The following MEGF11 variants were observed in gnomAD, a reference collection of about 807,000 sequenced individuals.
MEGF11 encodes the protein multiple epidermal growth factor-like domains protein 11.
Under a neutral mutation model 146.6 loss-of-function variants are expected in MEGF11, and 126 were observed. That is an observed-to-expected ratio of 0.86 (90% confidence interval 0.74 to 1.00). The LOEUF is 1.00. Ranked by LOEUF, MEGF11 falls within the 50% of genes least tolerant of loss-of-function variation. The probability of loss-of-function intolerance (pLI) is 0.00; values close to 1 mark genes in which losing one functional copy is unlikely to be tolerated. For synonymous variants in MEGF11, 532 were observed against 583.4 expected (o/e 0.91, Z 1.27); for missense variants, 1,509 against 1,521.2 (o/e 0.99, Z 0.13).
At chr15:66,036,384 C>G (rs951751991) in intron 5 of MEGF11, among the ~76,000 whole-genome samples, 6 of 152,258 alleles carry the variant, frequency 3.9e-5, no homozygotes, top group Non-Finnish European at 7.3e-5. Flanking sequence ...CTTTTGCTCT[C>G]TGCATTGCTT....
intron 1 of MEGF11, among the ~76,000 whole-genome samples, chr15:66,133,964 C>T (rs1183631732): frequency 6.6e-6 from 1 of 152,018 alleles, no homozygotes; most frequent in Non-Finnish European, 1.5e-5. Context: ...GTTAAATGTC[C>T]CCCTCCAAGT....
At chr15:66,029,108 A>G (rs905064818) in intron 5 of MEGF11, among the ~76,000 whole-genome samples, 4 of 152,012 alleles carry the variant, frequency 2.6e-5, no homozygotes, top group Admixed American at 2.6e-4. Flanking sequence ...TGGATTCTGG[A>G]TGGAGCTTAG....
Position 65,957,861 on chromosome 15 carries a change from C to A in MEGF11, c.1113-140G>T. ...GGGATTAAATTGCTCAATGCCTTTTCTGTTTATCAGAAGATGCCAAGGCCA... is the reference window on the plus strand; with the variant it reads ...GGGATTAAATTGCTCAATGCCTTTTATGTTTATCAGAAGATGCCAAGGCCA... On this transcript the variant is annotated intron_variant, in intron 9 of 25. Coordinates refer to ENST00000395614, the MANE Select transcript of MEGF11 (RefSeq NM_001385028.1). 6 of 738,024 alleles carry A rather than the reference C, an allele frequency of 8.1e-6. No homozygotes were observed. The South Asian group carries it at 1.1e-4, about 14-fold the overall frequency. The allele number at this position is 738,024 out of a possible 1,614,324, so 45.7% of individuals were successfully genotyped here.
intron 5 of MEGF11, among the ~76,000 whole-genome samples, chr15:66,036,185 T>C (rs2083719401): frequency 6.6e-6 from 1 of 152,242 alleles, no homozygotes; most frequent in Non-Finnish European, 1.5e-5. Flanking sequence ...TCAGAGGCCA[T>C]TTCTCAAGTC....
At chr15:65,977,488 T>C (rs1276876639) in intron 7 of MEGF11, among the ~76,000 whole-genome samples, 5 of 150,162 alleles carry the variant, frequency 3.3e-5, no homozygotes, top group Admixed American at 3.3e-4. Flanking sequence ...TTTTTTTTTT[T>C]TTTTTTTTTG....
intron 5 of MEGF11, among the ~76,000 whole-genome samples, chr15:66,070,012 T>A (rs986724386): frequency 6.6e-6 from 1 of 152,196 alleles, no homozygotes; most frequent in Non-Finnish European, 1.5e-5. Flanking sequence ...ACTGGTTTAA[T>A]TAGGGCGTGG....
chr15:66,232,962 A>T (rs1341352563), intron 1 of MEGF11, among the ~76,000 whole-genome samples: 1 of 152,200 alleles, frequency 6.6e-6, no homozygotes, highest in Non-Finnish European at 1.5e-5. Context: ...ATGAAAGCCC[A>T]GGTTACGAAC....
At chr15:66,043,710 GT>G (rs1176632349) in intron 5 of MEGF11, among the ~76,000 whole-genome samples, 2 of 152,222 alleles carry the variant, frequency 1.3e-5, no homozygotes, top group African/African-American at 4.8e-5. Flanking sequence ...ACCTACTCAT[GT>G]CCCCACATGG....
chr15:65,926,593 G>T (rs2079380220), intron 13 of MEGF11, among the ~76,000 whole-genome samples: 1 of 152,220 alleles, frequency 6.6e-6, no homozygotes, highest in Non-Finnish European at 1.5e-5. Flanking sequence ...TCTTGAGGCA[G>T]AGGTGAGTGG....
Position 65,922,971 on chromosome 15 carries a change from T to A in MEGF11, c.1676-2A>T, listed in dbSNP as rs1024906305. 1.9e-6 allele frequency: 3 copies of A among 1,611,580 alleles called. No homozygotes were observed. The highest frequency in any genetic ancestry group is 2.5e-6 in the Non-Finnish European group (3 of 1,179,276). On this transcript the variant is annotated splice_acceptor_variant, in intron 13 of 25. Transcript: ENST00000395614. LOFTEE classifies it high-confidence loss of function. ...GACACGTGCTGTCACAGCGGATGCC[T>A]GTGGGCCAGAGGCAGACTCGGGTCA...
intron 13 of MEGF11, among the ~76,000 whole-genome samples, chr15:65,927,251 G>A (rs1202429743): frequency 6.6e-6 from 1 of 152,172 alleles, no homozygotes; most frequent in South Asian, 2.1e-4. Context: ...CCCTGTAGTT[G>A]CAAGGATAAT....
chr15:65,970,822 C>T, intron 7 of MEGF11, 133 bp from the exon 8 acceptor site: 1 of 958,244 alleles, frequency 1.0e-6, no homozygotes, highest in Non-Finnish European at 1.5e-6. Context: ...GACACCAGGG[C>T]TCCAAAGCCC....
At chr15:66,057,415 ACT>A (rs1280274432) in intron 5 of MEGF11, among the ~76,000 whole-genome samples, 2 of 152,236 alleles carry the variant, frequency 1.3e-5, no homozygotes, top group Middle Eastern at 3.4e-3. Context: ...TTAATTCGTC[ACT>A]GTTTTGCAAC....
intron 4 of MEGF11, among the ~76,000 whole-genome samples, chr15:66,101,514 C>T (rs1281985738): frequency 6.6e-5 from 10 of 152,214 alleles, no homozygotes; most frequent in Non-Finnish European, 4.4e-5. Context: ...ACTGCTCCCA[C>T]AGTATCTGGT....
chr15:66,253,433 G>C (rs2092404348), intron 1 of MEGF11, among the ~76,000 whole-genome samples, 172 bp downstream of exon 1: 1 of 152,202 alleles, frequency 6.6e-6, no homozygotes, highest in Non-Finnish European at 1.5e-5. Context: ...AGCCAAACTC[G>C]GCTTCGGCAG....
rs997664566 is a variant in MEGF11 at position 65,980,655 on chromosome 15, T to C, written c.762+123A>G. ...CTCAAGTGATCTGCGGGCCTCGGCC[T>C]CCCAAAGTGCTGGGATTACAGTCAC... On this transcript the variant is annotated intron_variant, in intron 7 of 25. Transcript: ENST00000395614. 1.1e-5 allele frequency: 15 copies of C among 1,349,088 alleles called. No homozygotes were observed. The African/African-American group carries it at 2.1e-4, about 19-fold the overall frequency. The allele number at this position is 1,349,088 out of a possible 1,614,324, so 83.6% of individuals were successfully genotyped here.
rs1287014341 is a variant in MEGF11 at position 66,141,271 on chromosome 15, TGTGTGTGTGTGTGTGTGTGA to T, written c.-8-12880_-8-12861del. Among the ~76,000 whole-genome samples, 179 of 141,764 alleles carry T rather than the reference TGTGTGTGTGTGTGTGTGTGA, an allele frequency of 1.3e-3. 2 individuals are homozygous for T. The highest frequency in any genetic ancestry group is 0.01 in the Middle Eastern group (3 of 286). The allele number at this position is 141,764 out of a possible 152,430, so 93.0% of individuals were successfully genotyped here. Reference sequence around the variant, plus strand: ...GTGTGTGTGTGTGTGTGTGTGTGTGTGTGTGTGTGTGTGTGTGTGAGAGAGAGAGAGAGAGAGACAGGGAT... The same window carrying T: ...GTGTGTGTGTGTGTGTGTGTGTGTGTGAGAGAGAGAGAGAGAGACAGGGAT... On this transcript the variant is annotated intron_variant, in intron 1 of 25. Transcript: ENST00000395614.
intron 9 of MEGF11, among the ~76,000 whole-genome samples, chr15:65,963,568 T>G (rs564336407): frequency 6.6e-6 from 1 of 152,316 alleles, no homozygotes; most frequent in South Asian, 2.1e-4. Context: ...TATGCCTCAC[T>G]ACTGGTATTG....
chr15:66,169,211 A>G (rs953228290), intron 1 of MEGF11, among the ~76,000 whole-genome samples: 3 of 152,200 alleles, frequency 2.0e-5, no homozygotes, highest in African/African-American at 4.8e-5. Flanking sequence ...TGACGCAGCC[A>G]CTCAATACAC....
Sources: allele counts gnomAD v4.1 joint callset (sites outside exome capture counted in the v4.1 genomes callset), GRCh38; gene constraint gnomAD v4.1.1; transcripts MANE v1.5; gene names NCBI Gene and HGNC (gene_info 2026-07-23, HGNC 2026-07-21).